XRCC6: variants seen among roughly 807,000 people sequenced by gnomAD.
XRCC6 encodes the protein X-ray repair cross complementing 6.
Under a neutral mutation model 65.7 loss-of-function variants are expected in XRCC6, and 5 were observed. That is an observed-to-expected ratio of 0.08 (90% CI 0.04 to 0.16). The LOEUF (loss-of-function observed/expected upper bound fraction) is 0.16. Ranked by LOEUF, XRCC6 falls within the 10% of genes least tolerant of loss-of-function variation. The pLI, the probability that XRCC6 is intolerant of heterozygous loss-of-function variation, is 1.00. For synonymous variants in XRCC6, 270 were observed against 270.6 expected, an observed-to-expected ratio of 1.00 and a Z score of 0.02; for missense variants, 447 against 738.1, an observed-to-expected ratio of 0.61 and a Z score of 4.57.
At position 41,651,063 on chromosome 22, in the gene XRCC6, T is replaced by C. The variant is rs570662061; in HGVS notation, c.1129+172T>C. Among the ~76,000 whole-genome samples the C allele has an allele frequency of 2.6e-4, 40 of 152,268 alleles. 1 individual carries two copies. In the South Asian group the frequency reaches 8.3e-3, roughly 32 times the overall value. ...GCTCACACCTGTAATCCTAGCACTTTGGGAGGCTGAGGCGGATGGGTCACC... is the reference window on the plus strand; with the variant it reads ...GCTCACACCTGTAATCCTAGCACTTCGGGAGGCTGAGGCGGATGGGTCACC... On this transcript the variant is annotated intron_variant, in intron 8 of 12. Coordinates refer to ENST00000360079, the MANE Select transcript of XRCC6 (RefSeq NM_001469.5).
intron 3 of XRCC6, among the ~76,000 whole-genome samples, chr22:41,633,284 AT>A (rs2067775429): frequency 6.6e-6 from 1 of 152,250 alleles, no homozygotes; most frequent in Admixed American, 6.5e-5. Context: ...TATGTCTAGA[AT>A]GGGGACCAAG....
intron 3 of XRCC6, among the ~76,000 whole-genome samples, chr22:41,634,980 C>G (rs893995747): frequency 2.6e-5 from 4 of 152,160 alleles, no homozygotes; most frequent in Non-Finnish European, 5.9e-5. Context: ...GATGCGCTTA[C>G]TGGTAGTTAT....
chr22:41,647,579 C>T (rs1388795520), intron 7 of XRCC6, among the ~76,000 whole-genome samples: 1 of 62,806 alleles, frequency 1.6e-5, no homozygotes, highest in Admixed American at 1.1e-4. Flanking sequence ...GTAACTCCGT[C>T]TCAAAAAAAA....
intron 5 of XRCC6, among the ~76,000 whole-genome samples, chr22:41,637,102 G>C (rs938562523): frequency 1.3e-4 from 6 of 46,190 alleles, no homozygotes; most frequent in African/African-American, 5.2e-4. Context: ...TTTTTTTTTT[G>C]AGACGGAGTC....
intron 3 of XRCC6, 117 bp from the exon 4 acceptor site, chr22:41,635,996 T>G (rs1035063487): frequency 5.7e-6 from 5 of 884,040 alleles, no homozygotes; most frequent in Non-Finnish European, 8.2e-6. Flanking sequence ...GGATCTTGCC[T>G]TATTTTAGTG....
At chr22:41,654,528 T>G (rs535589550) in intron 9 of XRCC6, among the ~76,000 whole-genome samples, 1 of 152,332 alleles carries the variant, frequency 6.6e-6, no homozygotes, top group African/African-American at 2.4e-5. Context: ...TCTTCCTGTT[T>G]GCTCAGTGTG....
At chr22:41,647,814 ACTC>A (rs953975310) in intron 7 of XRCC6, among the ~76,000 whole-genome samples, 7 of 151,638 alleles carry the variant, frequency 4.6e-5, no homozygotes, top group African/African-American at 1.7e-4. Flanking sequence ...CTCAAGCAGT[ACTC>A]CTGCTTCAGC....
chr22:41,657,891 A>G (rs2068060263), intron 10 of XRCC6, among the ~76,000 whole-genome samples: 1 of 151,598 alleles, frequency 6.6e-6, no homozygotes, highest in Non-Finnish European at 1.5e-5. Context: ...TGGCACGATC[A>G]TGGCTCACTG....
intron 7 of XRCC6, among the ~76,000 whole-genome samples, chr22:41,648,714 T>A (rs147452572): frequency 6.6e-6 from 1 of 152,290 alleles, no homozygotes; most frequent in East Asian, 1.9e-4. Flanking sequence ...GACTAAAATA[T>A]TATTTTGATT....
intron 7 of XRCC6, among the ~76,000 whole-genome samples, chr22:41,649,139 A>ATATATATATATATATAT (rs1555906701): frequency 1.1e-5 from 1 of 88,736 alleles, no homozygotes; most frequent in Admixed American, 1.7e-4. Context: ...AAAAAAAAAA[A>ATATATATATATATATAT]ATATATATAT....
intron 3 of XRCC6, among the ~76,000 whole-genome samples, chr22:41,633,399 T>G (rs1377084014): frequency 2.8e-5 from 4 of 144,916 alleles, no homozygotes. Context: ...GTGGACCTAT[T>G]TTTTTTTTTT....
At chr22:41,633,516 A>ACAGG (rs943132049) in intron 3 of XRCC6, among the ~76,000 whole-genome samples, 8 of 151,718 alleles carry the variant, frequency 5.3e-5, no homozygotes, top group Non-Finnish European at 7.4e-5. Context: ...AGCTGGGACT[A>ACAGG]CAGGCACCCA....
At chr22:41,642,759 G>C (rs2067891860) in intron 6 of XRCC6, among the ~76,000 whole-genome samples, 1 of 152,202 alleles carries the variant, frequency 6.6e-6, no homozygotes, top group Admixed American at 6.5e-5. Flanking sequence ...AGATTGTGCA[G>C]TTTTGTAATT....
chr22:41,633,041 C>T (rs1431848720), intron 3 of XRCC6, among the ~76,000 whole-genome samples: 2 of 151,812 alleles, frequency 1.3e-5, no homozygotes, highest in African/African-American at 4.8e-5. Context: ...GCAGGAGAAT[C>T]GCTTGCACCT....
intron 9 of XRCC6, 119 bp from the exon 10 acceptor site, chr22:41,656,783 TG>T (rs1291633441): frequency 3.1e-6 from 4 of 1,300,670 alleles, no homozygotes; most frequent in African/African-American, 1.5e-5. Flanking sequence ...GTTCAAGAAA[TG>T]GGGCCTACGG....
chr22:41,649,139 A>AATATATATATATATGTATATATATATAT (rs1555906702), intron 7 of XRCC6, among the ~76,000 whole-genome samples: 1 of 88,736 alleles, frequency 1.1e-5, no homozygotes, highest in Non-Finnish European at 2.1e-5. Context: ...AAAAAAAAAA[A>AATATATATATATATGTATATATATATAT]ATATATATAT....
chr22:41,626,995 C>T (rs1004763813), intron 2 of XRCC6, among the ~76,000 whole-genome samples: 10 of 152,110 alleles, frequency 6.6e-5, no homozygotes, highest in South Asian at 2.1e-4. Context: ...AGGCTGGTCT[C>T]GAACTCCTGA....
chr22:41,649,624 G>A (rs1569093430), intron 7 of XRCC6, among the ~76,000 whole-genome samples: 1 of 151,952 alleles, frequency 6.6e-6, no homozygotes, highest in Admixed American at 6.6e-5. Context: ...GGAGGCTGAG[G>A]CGGGCGGATC....
chr22:41,646,829 A>T lies in XRCC6; in HGVS notation c.774-67A>T, dbSNP rs1021272054. 4.5e-6 allele frequency: 6 copies of T among 1,337,372 alleles called. 1 individual carries two copies. In the Middle Eastern group the frequency reaches 1.6e-3, roughly 353 times the overall value. The allele number at this position is 1,337,372 out of a possible 1,614,324, so 82.8% of individuals were successfully genotyped here. A position where few individuals can be genotyped will look rare whatever the true frequency, so the allele number is the denominator to read the frequency against. On this transcript the variant is annotated intron_variant, in intron 6 of 12. Coordinates refer to ENST00000360079, the MANE Select transcript of XRCC6 (RefSeq NM_001469.5). The stretch of plus-strand genomic sequence containing the variant: ...AATAAAACAGTGAAGCTTTGGTGTT[A>T]TGAGGGAATTTTAGATAGAAAAGTG...
Sources: gnomAD v4.1 joint callset for allele counts (sites outside exome capture counted in the v4.1 genomes callset) on GRCh38, gnomAD v4.1.1 for gene constraint, MANE v1.5 for transcripts, NCBI Gene and HGNC (gene_info 2026-07-23, HGNC 2026-07-21) for gene names.